FAM117A: variants seen among roughly 807,000 people sequenced by gnomAD.
FAM117A encodes the protein protein FAM117A.
FAM117A carries 21 observed loss-of-function variants against 44.1 expected under a neutral mutation model. That is an observed-to-expected ratio of 0.48 (90% confidence interval 0.34 to 0.69). FAM117A has a LOEUF of 0.69. Ranked by LOEUF, FAM117A falls within the 30% of genes least tolerant of loss-of-function variation. The pLI is 0.01. For synonymous variants in FAM117A, 220 were observed against 238.3 expected (o/e 0.92, Z 0.71); for missense variants, 498 against 589.9 (o/e 0.84, Z 1.61).
At chr17:49,740,909 T>C (rs2073631647) in intron 1 of FAM117A, among the ~76,000 whole-genome samples, 1 of 152,182 alleles carries the variant, frequency 6.6e-6, no homozygotes. Context: ...GCATTGTGGC[T>C]GCTCTTCTCA....
At chr17:49,778,556 T>C (rs1012472265) in intron 1 of FAM117A, among the ~76,000 whole-genome samples, 1 of 152,262 alleles carries the variant, frequency 6.6e-6, no homozygotes, top group African/African-American at 2.4e-5. Context: ...CCGACTCTGA[T>C]ATATCTTCCT....
intron 1 of FAM117A, among the ~76,000 whole-genome samples, chr17:49,752,262 C>T (rs2073680681): frequency 2.0e-5 from 3 of 152,190 alleles, no homozygotes; most frequent in African/African-American, 7.2e-5. Flanking sequence ...GGGCACATGC[C>T]TGTCTCGGAA....
intron 3 of FAM117A, among the ~76,000 whole-genome samples, 182 bp from the exon 4 acceptor site, chr17:49,720,618 C>T (rs996820744): frequency 2.6e-5 from 4 of 152,108 alleles, no homozygotes; most frequent in African/African-American, 4.8e-5. Flanking sequence ...GTTCCTCAGA[C>T]GAGTTGGATA....
chr17:49,755,553 G>GT (rs1236848557), intron 1 of FAM117A, among the ~76,000 whole-genome samples: 1 of 152,144 alleles, frequency 6.6e-6, no homozygotes, highest in Non-Finnish European at 1.5e-5. Flanking sequence ...GATCGACCTG[G>GT]TAACTGCCCA....
At chr17:49,745,723 A>G (rs2073652209) in intron 1 of FAM117A, among the ~76,000 whole-genome samples, 1 of 152,240 alleles carries the variant, frequency 6.6e-6, no homozygotes, top group African/African-American at 2.4e-5. Flanking sequence ...CCAGTGTGGG[A>G]CAACCAGAGA....
intron 1 of FAM117A, among the ~76,000 whole-genome samples, chr17:49,770,482 T>C (rs2073757901): frequency 6.6e-6 from 1 of 152,158 alleles, no homozygotes; most frequent in Non-Finnish European, 1.5e-5. Context: ...GATTTGTGAT[T>C]GCCTAGGACT....
At chr17:49,726,210 C>T (rs886281121) in intron 2 of FAM117A, among the ~76,000 whole-genome samples, 2 of 152,074 alleles carry the variant, frequency 1.3e-5, no homozygotes, top group South Asian at 2.1e-4. Flanking sequence ...ATGCTGACAT[C>T]GAGTATTCTT....
At chr17:49,737,327 A>G (rs1320193199) in intron 1 of FAM117A, among the ~76,000 whole-genome samples, 1 of 152,238 alleles carries the variant, frequency 6.6e-6, no homozygotes, top group African/African-American at 2.4e-5. Flanking sequence ...AGCTCAGGCC[A>G]AAATGCTGTC....
chr17:49,719,675 C>G (rs1411521964), intron 5 of FAM117A, 85 bp downstream of exon 5: 1 of 1,445,670 alleles, frequency 6.9e-7, no homozygotes, highest in South Asian at 1.5e-5. Flanking sequence ...CTGTGAGGCC[C>G]CAGAGAGCAG....
chr17:49,743,342 G>C (rs546553343), intron 1 of FAM117A, among the ~76,000 whole-genome samples: 1 of 152,202 alleles, frequency 6.6e-6, no homozygotes, highest in Non-Finnish European at 1.5e-5. Flanking sequence ...CTACCAGTAA[G>C]TCCAGAACTT....
chr17:49,755,262 C>T (rs544721395), intron 1 of FAM117A, among the ~76,000 whole-genome samples: 10 of 152,184 alleles, frequency 6.6e-5, no homozygotes, highest in South Asian at 4.1e-4. Flanking sequence ...GGGAGAGGGG[C>T]GCTTTCAGCC....
At chr17:49,764,816 T>C (rs944388358), upstream of FAM117A, among the ~76,000 whole-genome samples, 2 of 152,186 alleles carry the variant, frequency 1.3e-5, no homozygotes, top group African/African-American at 4.8e-5. Context: ...TCTCCACGTT[T>C]CCAAGTCCCT....
At chr17:49,736,570 G>A (rs2073611842) in intron 1 of FAM117A, among the ~76,000 whole-genome samples, 3 of 152,164 alleles carry the variant, frequency 2.0e-5, no homozygotes, top group African/African-American at 7.2e-5. Context: ...AAAGACGGAG[G>A]TAAAGCCTTC....
intron 7 of FAM117A, among the ~76,000 whole-genome samples, chr17:49,712,495 A>G (rs1398082222): frequency 6.6e-6 from 1 of 152,120 alleles, no homozygotes; most frequent in East Asian, 1.9e-4. Flanking sequence ...TTTGAAAGGT[A>G]TGGGGTTGTT....
At chr17:49,731,423 T>C (rs2073584305) in intron 2 of FAM117A, among the ~76,000 whole-genome samples, 1 of 152,240 alleles carries the variant, frequency 6.6e-6, no homozygotes, top group Non-Finnish European at 1.5e-5. Flanking sequence ...CTGAATCAGA[T>C]TAAGAAATGT....
At chr17:49,764,353 G>A (rs2073737559), upstream of FAM117A, among the ~76,000 whole-genome samples, 1 of 152,128 alleles carries the variant, frequency 6.6e-6, no homozygotes, top group Non-Finnish European at 1.5e-5. Context: ...CATCCCAGGG[G>A]CTGCTGATTG....
At chr17:49,785,946 G>T (rs1458937525) in intron 1 of FAM117A, among the ~76,000 whole-genome samples, 1 of 152,186 alleles carries the variant, frequency 6.6e-6, no homozygotes, top group African/African-American at 2.4e-5. Flanking sequence ...ACCAGTCAGA[G>T]GCATTGAAAT....
intron 1 of FAM117A, among the ~76,000 whole-genome samples, chr17:49,770,671 A>G (rs1188386107): frequency 6.6e-6 from 1 of 152,212 alleles, no homozygotes; most frequent in Non-Finnish European, 1.5e-5. Flanking sequence ...TGGGAGGCCA[A>G]GGTGGGAGGA....
At chr17:49,754,771 G>A (rs1029450022) in intron 1 of FAM117A, among the ~76,000 whole-genome samples, 3 of 151,978 alleles carry the variant, frequency 2.0e-5, no homozygotes, top group Non-Finnish European at 4.4e-5. Flanking sequence ...AGGTGCAGTG[G>A]CTCACACCTG....
Sources: allele counts gnomAD v4.1 joint callset (sites outside exome capture counted in the v4.1 genomes callset), GRCh38; gene constraint gnomAD v4.1.1; transcripts MANE v1.5; gene names NCBI Gene and HGNC (gene_info 2026-07-23, HGNC 2026-07-21).